The following TMEM132C variants were observed in gnomAD, a reference collection of about 807,000 sequenced individuals.
TMEM132C encodes the protein protein phosphatase 1, regulatory subunit 152.
A neutral mutation model predicts 61.4 loss-of-function variants in TMEM132C; 29 were observed. The ratio of observed to expected loss-of-function variants is 0.47; its 90% CI spans 0.35 to 0.64. The LOEUF (loss-of-function observed/expected upper bound fraction) is 0.64. Among genes scored for constraint, TMEM132C ranks in the 30% least tolerant of loss-of-function variants. The pLI is 0.00. For missense variants in TMEM132C, 1,408 were observed against 1,476.9 expected (o/e 0.95, Z 0.76); for synonymous variants, 656 against 633.1 (o/e 1.04, Z -0.54).
intron 1 of TMEM132C, among the ~76,000 whole-genome samples, chr12:128,346,843 T>A (rs967397956): frequency 7.9e-5 from 12 of 152,322 alleles, no homozygotes; most frequent in African/African-American, 2.9e-4. Context: ...ATTCTACTGA[T>A]CTGTATGTCT....
chr12:128,689,438 G>T (rs1954702666), intron 5 of TMEM132C, among the ~76,000 whole-genome samples: 1 of 152,164 alleles, frequency 6.6e-6, no homozygotes, highest in Admixed American at 6.5e-5. Flanking sequence ...TGTGAAGCGG[G>T]ATTGTCACTG....
chr12:128,433,237 A>G (rs1869456239), intron 2 of TMEM132C, among the ~76,000 whole-genome samples: 1 of 152,154 alleles, frequency 6.6e-6, no homozygotes, highest in Non-Finnish European at 1.5e-5. Context: ...TATTCACTTT[A>G]TTTCACTGGT....
rs776793917 is a variant in TMEM132C at position 128,340,942 on chromosome 12, C to CTCTT, written c.85+73477_85+73480dup. ...TCTCTCTCTCTCTCTCTCTCTCTCT[C>CTCTT]TCTTTCTTTCTTTCTTTCTTTCTTT... On this transcript the variant is annotated intron_variant, in intron 1 of 8. Transcript: ENST00000435159. Among the ~76,000 whole-genome samples, 53 of 92,352 alleles carry CTCTT rather than the reference C, an allele frequency of 5.7e-4. 1 individual carries two copies. Among genetic ancestry groups the CTCTT allele is most frequent in the South Asian group, 2.3e-3 (8 of 3,438 alleles). 60.6% of individuals were successfully genotyped at this position (92,352 alleles called of 152,430 possible). A position where few individuals can be genotyped will look rare whatever the true frequency, so the allele number is the denominator to read the frequency against.
At chr12:128,355,327 A>G (rs1002909923) in intron 1 of TMEM132C, among the ~76,000 whole-genome samples, 1 of 152,078 alleles carries the variant, frequency 6.6e-6, no homozygotes, top group Non-Finnish European at 1.5e-5. Context: ...GTGCCTGAGG[A>G]GGGTCCCTCT....
At chr12:128,685,638 A>G (rs887916401) in intron 5 of TMEM132C, among the ~76,000 whole-genome samples, 9 of 152,242 alleles carry the variant, frequency 5.9e-5, no homozygotes, top group African/African-American at 2.2e-4. Flanking sequence ...GCCAAAGCCA[A>G]GTCCAGCAAC....
At chr12:128,442,192 C>T (rs1869820399) in intron 2 of TMEM132C, among the ~76,000 whole-genome samples, 1 of 152,142 alleles carries the variant, frequency 6.6e-6, no homozygotes, top group Admixed American at 6.5e-5. Flanking sequence ...TTAGCCTCGT[C>T]ATCACTTGCT....
At chr12:128,343,472 A>C (rs1309639676) in intron 1 of TMEM132C, among the ~76,000 whole-genome samples, 2 of 151,956 alleles carry the variant, frequency 1.3e-5, no homozygotes, top group African/African-American at 4.8e-5. Flanking sequence ...GATATCCCTA[A>C]AGTAACTCTA....
At chr12:128,604,576 GGATA>G (rs1338501952) in intron 3 of TMEM132C, among the ~76,000 whole-genome samples, 26 of 150,862 alleles carry the variant, frequency 1.7e-4, no homozygotes, top group Non-Finnish European at 2.4e-4. Flanking sequence ...TGATACAAAT[GGATA>G]GATAGATCAT....
At chr12:128,291,484 C>T (rs939789485) in intron 1 of TMEM132C, among the ~76,000 whole-genome samples, 13 of 152,178 alleles carry the variant, frequency 8.5e-5, no homozygotes, top group African/African-American at 2.9e-4. Context: ...CGACCTGCTG[C>T]GGGAGGAGAT....
At chr12:128,513,163 A>G (rs1872619078) in intron 2 of TMEM132C, among the ~76,000 whole-genome samples, 1 of 152,122 alleles carries the variant, frequency 6.6e-6, no homozygotes, top group East Asian at 1.9e-4. Context: ...GACATGATAC[A>G]GAGATCTGCT....
At chr12:128,346,436 G>A (rs375270705) in intron 1 of TMEM132C, among the ~76,000 whole-genome samples, 2 of 152,090 alleles carry the variant, frequency 1.3e-5, no homozygotes, top group Admixed American at 6.5e-5. Context: ...TTCTAGTTCT[G>A]TGAAGTATCT....
At chr12:128,664,121 C>T (rs375802077) in intron 4 of TMEM132C, among the ~76,000 whole-genome samples, 162 of 140,862 alleles carry the variant, frequency 1.2e-3, no homozygotes, top group Admixed American at 2.2e-3. Flanking sequence ...CGCACCCGCA[C>T]GCACGCGGGC....
chr12:128,377,629 A>C (rs1229833532), intron 1 of TMEM132C, among the ~76,000 whole-genome samples: 2 of 152,216 alleles, frequency 1.3e-5, no homozygotes, highest in Admixed American at 6.5e-5. Flanking sequence ...TGGTGAGATG[A>C]ATTCATATAT....
chr12:128,270,851 C>A (rs918547043), intron 1 of TMEM132C, among the ~76,000 whole-genome samples: 2 of 152,150 alleles, frequency 1.3e-5, no homozygotes, highest in Non-Finnish European at 2.9e-5. Flanking sequence ...TATTATAGTT[C>A]TTCTTCTATA....
At chr12:128,402,399 C>A (rs1239827844) in intron 1 of TMEM132C, among the ~76,000 whole-genome samples, 4 of 152,112 alleles carry the variant, frequency 2.6e-5, no homozygotes, top group African/African-American at 7.2e-5. Context: ...CTCCTTCCAC[C>A]CTCCATCCTC....
chr12:128,602,465 A>G (rs1342420627), intron 3 of TMEM132C, among the ~76,000 whole-genome samples: 1 of 152,228 alleles, frequency 6.6e-6, no homozygotes, highest in Non-Finnish European at 1.5e-5. Context: ...AGATTGACCC[A>G]GGAGGGCAAG....
intron 2 of TMEM132C, among the ~76,000 whole-genome samples, chr12:128,472,349 G>A (rs776892809): frequency 1.3e-5 from 2 of 152,180 alleles, no homozygotes; most frequent in Admixed American, 1.3e-4. Flanking sequence ...TGTCTTGTGA[G>A]ATGCTAGCAG....
At chr12:128,632,028 A>ATGCC (rs1565997259) in intron 4 of TMEM132C, among the ~76,000 whole-genome samples, 1 of 152,112 alleles carries the variant, frequency 6.6e-6, no homozygotes, top group Admixed American at 6.5e-5. Context: ...ACCCCAATAG[A>ATGCC]TGCCTGTGAC....
At chr12:128,452,597 C>T (rs562351336) in intron 2 of TMEM132C, among the ~76,000 whole-genome samples, 15 of 148,630 alleles carry the variant, frequency 1.0e-4, no homozygotes, top group East Asian at 8.1e-4. Flanking sequence ...TGTAGGGGGC[C>T]GGGTGCTGAG....
Sources: gnomAD v4.1 joint callset for allele counts (sites outside exome capture counted in the v4.1 genomes callset) on GRCh38, gnomAD v4.1.1 for gene constraint, MANE v1.5 for transcripts, NCBI Gene and HGNC (gene_info 2026-07-23, HGNC 2026-07-21) for gene names.